CLU: variants seen among roughly 807,000 people sequenced by gnomAD.
The protein encoded by CLU is clusterin.
A neutral mutation model predicts 46.4 loss-of-function variants in CLU; 25 were observed. The ratio of observed to expected loss-of-function variants is 0.54; its 90% CI spans 0.39 to 0.75. The LOEUF (loss-of-function observed/expected upper bound fraction) is 0.75. Ranked by LOEUF, CLU falls within the 30% of genes least tolerant of loss-of-function variation. The pLI, the probability that CLU is intolerant of heterozygous loss-of-function variation, is 0.00. For missense variants in CLU, 504 were observed against 592.1 expected (o/e 0.85, Z 1.54); for synonymous variants, 235 against 235.1 (o/e 1.00, Z 0.00).
intron 3 of CLU, among the ~76,000 whole-genome samples, chr8:27,607,454 A>C (rs1471952408): frequency 6.6e-6 from 1 of 152,182 alleles, no homozygotes; most frequent in Non-Finnish European, 1.5e-5. Flanking sequence ...GGCAAAAAAA[A>C]AAAAATCAGA....
In CLU at chr8:27,597,636, A is replaced by T. The variant is rs181562661; in HGVS notation, c.*605T>A. 4.4e-6 allele frequency: 2 copies of T among 454,132 alleles called. No homozygotes were observed. The highest frequency in any genetic ancestry group is 1.4e-4 in the East Asian group (2 of 14,396). The allele number at this position is 454,132 out of a possible 1,614,324, so 28.1% of individuals were successfully genotyped here. A position where few individuals can be genotyped will look rare whatever the true frequency, so the allele number is the denominator to read the frequency against. ...TACCAAGTACACCTTACACTTACTG[A>T]TTCTTCTCCTTAACTTTCAGTGTAT... On this transcript the variant is annotated 3_prime_UTR_variant, in exon 9 of 9. Coordinates refer to ENST00000316403, the MANE Select transcript of CLU (RefSeq NM_001831.4).
At chr8:27,613,073 C>A (rs1422860894) in intron 1 of CLU, among the ~76,000 whole-genome samples, 1 of 152,012 alleles carries the variant, frequency 6.6e-6, no homozygotes, top group East Asian at 1.9e-4. Context: ...CCAAGCAGGG[C>A]AGGGCTGGAG....
chr8:27,599,918 G>T lies in CLU; in HGVS notation c.1026C>A (p.Asn342Lys). 1.2e-6 allele frequency: 2 copies of T among 1,614,186 alleles called. No individual in the cohort carries two copies. The highest frequency in any genetic ancestry group is 1.7e-5 in the Admixed American group (1 of 60,024). ...TCCACTGGTAGGACTTTAGCAGCTCGTTGTATTTCCTGGTCAACCTCTCAG... is the reference window on the plus strand; with the variant it reads ...TCCACTGGTAGGACTTTAGCAGCTCTTTGTATTTCCTGGTCAACCTCTCAG... ...QVAERLTRKY[N>K]ELLKSYQWKM... Residue 342 changes from asparagine to lysine, a missense_variant, in exon 7 of 9, where the codon AAC (asparagine) becomes AAA (lysine). Asn to Lys is a moderately conservative substitution (Grantham distance 94, BLOSUM62 0). Coordinates refer to ENST00000316403, the MANE Select transcript of CLU (RefSeq NM_001831.4). This position sits in a 1 kb window ranked among gnomAD's most constrained non-coding sequence, Gnocchi z 4.0.
chr8:27,598,922 G>T (rs538706846), intron 7 of CLU: 1 of 438,830 alleles, frequency 2.3e-6, no homozygotes, highest in East Asian at 4.6e-5. Context: ...TTTAGAAGCA[G>T]CCCTTGGTCA....
chr8:27,602,416 A>C (rs961949086), intron 6 of CLU, among the ~76,000 whole-genome samples: 2 of 152,002 alleles, frequency 1.3e-5, no homozygotes, highest in Non-Finnish European at 2.9e-5. Context: ...CAGCTTGGGC[A>C]ATGTAGCAAG....
intron 1 of CLU, chr8:27,611,102 C>T (rs555220766): frequency 2.3e-6 from 1 of 425,652 alleles, no homozygotes; most frequent in African/African-American, 2.0e-5. Context: ...CAGACGCTCC[C>T]CATTCACCAC....
rs1234357839 is a variant in CLU at position 27,598,765 on chromosome 8, A to C, written c.1165-130T>G. On this transcript the variant is annotated intron_variant, in intron 7 of 8. Transcript: ENST00000316403. The stretch of plus-strand genomic sequence containing the variant: ...CAAGGAAACCTAGAGAGCTGACCCC[A>C]TGCTTCTTATACATCTAGACGTAAG... 3.6e-6 allele frequency: 3 copies of C among 829,822 alleles called. No homozygotes were observed. The East Asian group carries it at 7.7e-5, about 21-fold the overall frequency. 51.4% of individuals were successfully genotyped at this position (829,822 alleles called of 1,614,324 possible).
intron 1 of CLU, among the ~76,000 whole-genome samples, chr8:27,612,953 C>CG (rs531621351): frequency 4.4e-4 from 2 of 4,558 alleles, no homozygotes; most frequent in Non-Finnish European, 9.2e-4. Context: ...GAGAAGATGG[C>CG]GGGGGGTGGG....
Position 27,598,198 on chromosome 8 carries a change from T to C in CLU, c.*43A>G, listed in dbSNP as rs1331737383. The C allele has an allele frequency of 6.2e-7, 1 of 1,609,082 alleles. No homozygotes were observed. Among genetic ancestry groups the C allele is most frequent in the Admixed American group, 1.7e-5 (1 of 59,906 alleles). ...GGCTGCAGCTCATCTTGGGGGGAGC[T>C]GGACTCAGATGCCCCCGTAGGTGCA... is the stretch of plus-strand genomic sequence containing the variant. On this transcript the variant is annotated 3_prime_UTR_variant, in exon 9 of 9. Transcript: ENST00000316403.
intron 3 of CLU, 118 bp downstream of exon 3, chr8:27,608,818 GAC>G (rs760356108): frequency 2.1e-4 from 215 of 1,039,132 alleles, no homozygotes; most frequent in Non-Finnish European, 3.0e-4. Flanking sequence ...AGCATCAGCT[GAC>G]ACAGCCTGGG....
At chr8:27,612,777 A>G (rs1276613443) in intron 1 of CLU, among the ~76,000 whole-genome samples, 1 of 151,846 alleles carries the variant, frequency 6.6e-6, no homozygotes, top group East Asian at 1.9e-4. Context: ...CCTGGCTGCC[A>G]GCTGCCCTGG....
chr8:27,599,483 A>G lies in CLU; in HGVS notation c.1164+297T>C, dbSNP rs1178941251. 1.7e-5 allele frequency: 7 copies of G among 418,962 alleles called. No homozygotes were observed. The highest frequency in any genetic ancestry group is 6.0e-5 in the African/African-American group (3 of 49,806). 26.0% of individuals were successfully genotyped at this position (418,962 alleles called of 1,614,324 possible). ...ATTCACAGATTTGTGCACCAAAACA[A>G]AAACAACAACAACAAAATACAGGCT... On this transcript the variant is annotated intron_variant, in intron 7 of 8. Transcript: ENST00000316403. The surrounding 1 kb of genome is among the most constrained non-coding windows in gnomAD (Gnocchi z 4.0).
chr8:27,602,222 G>A (rs1308749496), intron 6 of CLU, among the ~76,000 whole-genome samples: 1 of 152,182 alleles, frequency 6.6e-6, no homozygotes, highest in East Asian at 1.9e-4. Flanking sequence ...ACAACAAAGG[G>A]AAGGGAGCTG....
At chr8:27,604,843 A>G in intron 5 of CLU, 81 bp downstream of exon 5, 1 of 1,498,996 alleles carries the variant, frequency 6.7e-7, no homozygotes, top group South Asian at 1.1e-5. Flanking sequence ...AAAAATCGAG[A>G]TGACACCCGC....
In CLU at chr8:27,597,478, C is replaced by T; in HGVS notation, c.*763G>A. ...GAAGATGCCCCTGGGATGCTGAGCT[C>T]TTACAACTCGAAATCAACAGCTTTT... On this transcript the variant is annotated 3_prime_UTR_variant, in exon 9 of 9. Transcript: ENST00000316403. The T allele has an allele frequency of 4.4e-6, 2 of 454,330 alleles. No individual in the cohort carries two copies. Among genetic ancestry groups the T allele is most frequent in the South Asian group, 3.1e-5 (2 of 64,476 alleles). 28.1% of individuals were successfully genotyped at this position (454,330 alleles called of 1,614,324 possible).
rs1800687672 is a variant in CLU, at chr8:27,599,899, G to C, written c.1045C>G (p.Gln349Glu). Residue 349 changes from glutamine to glutamate, a missense_variant, in exon 7 of 9, where the codon CAG becomes GAG. Around this residue, in one of 3 missense-constraint regions of CLU, gnomAD observed 428 missense variants for 484.0 expected, o/e 0.88. Transcript: ENST00000316403. This position sits in a 1 kb window ranked among gnomAD's most constrained non-coding sequence, Gnocchi z 4.0. ...GAGGAGGTGTTGAGCATCTTCCACT[G>C]GTAGGACTTTAGCAGCTCGTTGTAT... ...RKYNELLKSYQWKMLNTSSLL... is the reference protein window; with the variant it reads ...RKYNELLKSYEWKMLNTSSLL... 2 of 1,614,004 alleles carry C rather than the reference G, an allele frequency of 1.2e-6. No homozygotes were observed. Among genetic ancestry groups the C allele is most frequent in the African/African-American group, 1.3e-5 (1 of 74,908 alleles).
chr8:27,608,839 G>A, intron 3 of CLU, 99 bp downstream of exon 3: 2 of 1,273,532 alleles, frequency 1.6e-6, no homozygotes, highest in South Asian at 1.2e-5. Context: ...GGAGGACTGC[G>A]GGTCACCATG....
At chr8:27,609,455 T>A (rs2128910040) in intron 2 of CLU, among the ~76,000 whole-genome samples, 1 of 152,290 alleles carries the variant, frequency 6.6e-6, no homozygotes. Context: ...ATTGTTATTT[T>A]GGACACAAAT....
At position 27,604,930 on chromosome 8, in the gene CLU, T is replaced by C. The variant is rs1800788577; in HGVS notation, c.823A>G (p.Ile275Val). 6.2e-7 allele frequency: 1 copy of C among 1,614,054 alleles called. No individual in the cohort carries two copies. Among genetic ancestry groups the C allele is most frequent in the Admixed American group, 1.7e-5 (1 of 60,008 alleles). ...PAFQHPPTEF[I>V]REGDDDRTVC... ...AGCTTCCACCCCTTCTCACCTCGTA[T>C]GAATTCTGTTGGCGGGTGCTGGAAG... The change falls in exon 5 of 9, where the codon ATA becomes GTA. Residue 275 changes from isoleucine to valine, a missense_variant. Coordinates refer to ENST00000316403, the MANE Select transcript of CLU (RefSeq NM_001831.4).
Sources: gnomAD v4.1 joint callset for allele counts (sites outside exome capture counted in the v4.1 genomes callset) on GRCh38, gnomAD v4.1.1 for gene constraint, gnomAD v4.1.1 regional missense constraint, Gnocchi (gnomAD v3.1) non-coding constraint, MANE v1.5 for transcripts, NCBI Gene and HGNC (gene_info 2026-07-23, HGNC 2026-07-21) for gene names.